Variants in PCDHGB1 observed in about 807,000 individuals in gnomAD.
PCDHGB1 encodes the protein protocadherin gamma-B1.
PCDHGB1 carries 34 observed loss-of-function variants against 56.6 expected under a neutral mutation model. The observed-to-expected ratio is 0.60, with a 90% CI of 0.46 to 0.80. The LOEUF (loss-of-function observed/expected upper bound fraction) is 0.80, where lower values mean the gene tolerates loss of function less well. PCDHGB1 is among the 30% of genes least tolerant of loss of function. The probability of loss-of-function intolerance (pLI) is 0.00; values close to 1 mark genes in which losing one functional copy is unlikely to be tolerated. For missense variants in PCDHGB1, 1,278 were observed against 1,204.6 expected (o/e 1.06, Z -0.90); for synonymous variants, 561 against 505.9 (o/e 1.11, Z -1.46).
chr5:141,500,005 G>A (rs994274763), intron 2 of PCDHGB1, among the ~76,000 whole-genome samples: 30 of 151,476 alleles, frequency 2.0e-4, no homozygotes, highest in Non-Finnish European at 3.8e-4. Context: ...TCTTTCATAA[G>A]GTCCACATTT....
At chr5:141,375,731 C>T (rs370856492) in intron 1 of PCDHGB1, 146 of 1,614,138 alleles carry the variant, frequency 9.0e-5, no homozygotes, top group Non-Finnish European at 1.2e-4. Context: ...GTCACTGAGC[C>T]TGTTTGTGCT....
At chr5:141,457,719 G>T (rs1437841051) in intron 1 of PCDHGB1, among the ~76,000 whole-genome samples, 1 of 152,226 alleles carries the variant, frequency 6.6e-6, no homozygotes, top group Non-Finnish European at 1.5e-5. Context: ...GTTCCACAAG[G>T]AATTTCAGAT....
Position 141,477,256 on chromosome 5 carries a change from T to G in PCDHGB1, c.2410-17551T>G. 2 of 1,614,210 alleles carry G rather than the reference T, an allele frequency of 1.2e-6. No homozygotes were observed. The highest frequency in any genetic ancestry group is 1.7e-6 in the Non-Finnish European group (2 of 1,180,038). On this transcript the variant is annotated intron_variant, in intron 1 of 3. Coordinates refer to ENST00000523390, the MANE Select transcript of PCDHGB1 (RefSeq NM_018922.3). This position sits in a 1 kb window ranked among gnomAD's most constrained non-coding sequence, Gnocchi z 4.9. Reference sequence around the variant, plus strand: ...CTTTGCTCAGTGTGACTGACCTGGATGCTGGCGAGAACGGGCTGGTGACCT... The same window carrying G: ...CTTTGCTCAGTGTGACTGACCTGGAGGCTGGCGAGAACGGGCTGGTGACCT...
chr5:141,396,908 C>CA (rs1453541436), intron 1 of PCDHGB1, among the ~76,000 whole-genome samples: 1 of 152,146 alleles, frequency 6.6e-6, no homozygotes, highest in African/African-American at 2.4e-5. Flanking sequence ...TGGCACTTTG[C>CA]AATTTTAAAA....
intron 1 of PCDHGB1, chr5:141,370,568 G>T (rs968157637): frequency 1.9e-6 from 3 of 1,613,930 alleles, no homozygotes; most frequent in Admixed American, 1.7e-5. Flanking sequence ...GGTTTGGCGT[G>T]GGGGATTTAC....
chr5:141,444,363 G>A (rs1292799006), intron 1 of PCDHGB1, among the ~76,000 whole-genome samples: 1 of 151,772 alleles, frequency 6.6e-6, no homozygotes, highest in Non-Finnish European at 1.5e-5. Context: ...TAGAGACGGG[G>A]TTTCTCCATG....
intron 1 of PCDHGB1, among the ~76,000 whole-genome samples, chr5:141,353,321 C>T (rs941282314): frequency 6.6e-6 from 1 of 152,020 alleles, no homozygotes; most frequent in Non-Finnish European, 1.5e-5. Context: ...AGAGTTCTTC[C>T]CACCCAAGTT....
At chr5:141,357,994 A>G (rs1378824795) in intron 1 of PCDHGB1, among the ~76,000 whole-genome samples, 1 of 152,294 alleles carries the variant, frequency 6.6e-6, no homozygotes, top group South Asian at 2.1e-4. Context: ...GTTCGAGACC[A>G]GTCTGGGCAA....
At chr5:141,389,790 G>A (rs1328126483) in intron 1 of PCDHGB1, 4 of 1,613,352 alleles carry the variant, frequency 2.5e-6, no homozygotes, top group Non-Finnish European at 3.4e-6. Flanking sequence ...CAGGGACGCC[G>A]TCCGCCAGCG....
At chr5:141,479,633 T>TAACAAC (rs749744124) in intron 1 of PCDHGB1, 1 of 152,114 alleles carries the variant, frequency 6.6e-6, no homozygotes, top group Admixed American at 6.5e-5. Flanking sequence ...TCTTTAACAA[T>TAACAAC]AACAACAACA....
intron 1 of PCDHGB1, chr5:141,415,347 C>T (rs1369709460): frequency 1.9e-6 from 3 of 1,614,120 alleles, no homozygotes; most frequent in Non-Finnish European, 2.5e-6. Context: ...GGCGCTGGCA[C>T]AAGTCACGCC....
rs1214164512 is a variant in PCDHGB1 at position 141,366,098 on chromosome 5, A to G, written c.2409+13429A>G. ...CGCAGAACCTGGCTACCTGGTGACC[A>G]AGGTGGTAGCGGTGGACAAAGATTC... On this transcript the variant is annotated intron_variant, in intron 1 of 3. Coordinates refer to ENST00000523390, the MANE Select transcript of PCDHGB1 (RefSeq NM_018922.3). The G allele has an allele frequency of 1.9e-6, 3 of 1,614,214 alleles. No homozygotes were observed. In the Admixed American group the frequency reaches 5.0e-5, roughly 27 times the overall value.
chr5:141,428,857 A>C (rs2097165548), intron 1 of PCDHGB1: 1 of 140,386 alleles, frequency 7.1e-6, no homozygotes, highest in Non-Finnish European at 1.5e-5. Context: ...TTTTTACGGG[A>C]GACTTTTTTT....
At chr5:141,387,844 G>A in intron 1 of PCDHGB1, 1 of 1,597,594 alleles carries the variant, frequency 6.3e-7, no homozygotes, top group South Asian at 1.1e-5. Flanking sequence ...TTGTAACCCG[G>A]CGTCTCCAGG....
Position 141,432,928 on chromosome 5 carries a change from C to T in PCDHGB1, c.2410-61879C>T, listed in dbSNP as rs1443097611. ...GGCTGCGGCGCTGGCACAAGTCACG[C>T]CTGCTGCAGGCTTCAGGAGGCGGCT... On this transcript the variant is annotated intron_variant, in intron 1 of 3. Transcript: ENST00000523390. This position sits in a 1 kb window ranked among gnomAD's most constrained non-coding sequence, Gnocchi z 6.0. 1.2e-6 allele frequency: 2 copies of T among 1,614,066 alleles called. No homozygotes were observed. Among genetic ancestry groups the T allele is most frequent in the African/African-American group, 1.3e-5 (1 of 74,942 alleles).
intron 1 of PCDHGB1, chr5:141,382,975 G>A (rs1459980689): frequency 6.2e-7 from 1 of 1,610,700 alleles, no homozygotes. Flanking sequence ...CCCCTGGGAA[G>A]CCTGGGCAGG....
At chr5:141,467,736 G>T (rs1435480730) in intron 1 of PCDHGB1, among the ~76,000 whole-genome samples, 1 of 151,902 alleles carries the variant, frequency 6.6e-6, no homozygotes, top group Admixed American at 6.6e-5. Context: ...ATCCCAGCTC[G>T]CTGCAACCTC....
At chr5:141,414,916 C>T in intron 1 of PCDHGB1, 2 of 1,614,194 alleles carry the variant, frequency 1.2e-6, no homozygotes, top group Non-Finnish European at 1.7e-6. Context: ...AGGCGTGGAG[C>T]TGGCGCCCCG....
In PCDHGB1 at chr5:141,357,378, C is replaced by A. The variant is rs1489356884; in HGVS notation, c.2409+4709C>A. 3 of 1,614,096 alleles carry A rather than the reference C, an allele frequency of 1.9e-6. No individual in the cohort carries two copies. The South Asian group carries it at 3.3e-5, about 18-fold the overall frequency. On this transcript the variant is annotated intron_variant, in intron 1 of 3. Transcript: ENST00000523390. ...GCTGGCACAAGTCACGCCTGCTTCA[C>A]GCTGAAGGCAGCAGGTTGGCAGGTG...
Sources: gnomAD v4.1 joint callset for allele counts (sites outside exome capture counted in the v4.1 genomes callset) on GRCh38, gnomAD v4.1.1 for gene constraint, Gnocchi (gnomAD v3.1) non-coding constraint, MANE v1.5 for transcripts, NCBI Gene and HGNC (gene_info 2026-07-23, HGNC 2026-07-21) for gene names.